PDE4DIP: variants seen among roughly 807,000 people sequenced by gnomAD.
PDE4DIP encodes the protein myomegalin.
Under a neutral mutation model 221.4 loss-of-function variants are expected in PDE4DIP, and 59 were observed. That is an observed-to-expected ratio of 0.27 (90% CI 0.22 to 0.33). The LOEUF (loss-of-function observed/expected upper bound fraction) is 0.33, where lower values mean the gene tolerates loss of function less well. Among genes scored for constraint, PDE4DIP ranks in the 10% least tolerant of loss-of-function variants. The pLI is 1.00. For synonymous variants in PDE4DIP, 404 were observed against 815.9 expected, an observed-to-expected ratio of 0.50 and a Z score of 8.60; for missense variants, 1,036 against 2,154.2, an observed-to-expected ratio of 0.48 and a Z score of 10.28.
exon 44 of PDE4DIP, chr1:149,032,297 C>T (rs1358765647): frequency 5.1e-6 from 3 of 592,750 alleles, no homozygotes; most frequent in Non-Finnish European, 9.0e-6. Context: ...ACAGCCCCAG[C>T]AGCTTGGGAA....
chr1:148,912,231 T>C (rs1456929412), intron 1 of PDE4DIP, among the ~76,000 whole-genome samples: 2 of 145,968 alleles, frequency 1.4e-5, no homozygotes, highest in South Asian at 2.2e-4. Context: ...AATAAAAGCA[T>C]CCTAGACTGG....
intron 31 of PDE4DIP, among the ~76,000 whole-genome samples, chr1:149,011,411 G>A (rs1553605300): frequency 5.9e-5 from 1 of 16,994 alleles, no homozygotes. Flanking sequence ...TGCTTCCTGA[G>A]CCTGGTTTCA....
intron 21 of PDE4DIP, among the ~76,000 whole-genome samples, chr1:148,987,427 A>G (rs1192404770): frequency 2.0e-5 from 3 of 152,130 alleles, no homozygotes; most frequent in Admixed American, 1.3e-4. Context: ...AAAGTCAGCA[A>G]TAGTTGGTTC....
exon 27 of PDE4DIP, chr1:149,005,079 G>T (rs781943795): frequency 1.9e-6 from 3 of 1,613,576 alleles, no homozygotes; most frequent in Non-Finnish European, 2.5e-6. Context: ...AAACATCTTG[G>T]TCCTACGAAA....
chr1:148,927,489 C>T (rs1276728830), intron 1 of PDE4DIP, among the ~76,000 whole-genome samples: 2 of 151,924 alleles, frequency 1.3e-5, no homozygotes, highest in South Asian at 4.1e-4. Flanking sequence ...GACCACCCTG[C>T]ATGGAAACAT....
intron 5 of PDE4DIP, among the ~76,000 whole-genome samples, chr1:148,951,646 G>A (rs1385803886): frequency 4.0e-5 from 6 of 151,746 alleles, no homozygotes; most frequent in Admixed American, 6.6e-5. Context: ...ATCTACTCGC[G>A]GCTGGCTGCA....
At chr1:148,981,746 C>T in intron 21 of PDE4DIP, 1 of 246,202 alleles carries the variant, frequency 4.1e-6, no homozygotes, top group Non-Finnish European at 8.3e-6. Flanking sequence ...CTCATCCCTT[C>T]TGTGGGCCAA....
chr1:148,985,367 C>CA (rs1285727875), intron 21 of PDE4DIP: 1 of 151,882 alleles, frequency 6.6e-6, no homozygotes, highest in Admixed American at 6.6e-5. Context: ...GTGTATATTT[C>CA]AGTTATTTCA....
intron 22 of PDE4DIP, among the ~76,000 whole-genome samples, chr1:148,996,674 C>T (rs1307393775): frequency 6.6e-6 from 1 of 152,172 alleles, no homozygotes; most frequent in East Asian, 1.9e-4. Flanking sequence ...AAACCTGTGA[C>T]CTACATTTGA....
chr1:148,912,287 C>T (rs1274614889), intron 1 of PDE4DIP, among the ~76,000 whole-genome samples: 1 of 146,830 alleles, frequency 6.8e-6, no homozygotes, highest in African/African-American at 2.6e-5. Context: ...TTGCACTTGG[C>T]AGTTTGCATT....
chr1:148,902,639 G>A (rs1437499179), intron 1 of PDE4DIP, among the ~76,000 whole-genome samples: 1 of 77,772 alleles, frequency 1.3e-5, no homozygotes, highest in East Asian at 5.7e-4. Context: ...ACTTCACTTA[G>A]AATGATAGTC....
chr1:149,032,073 A>T (rs1553638951), exon 44 of PDE4DIP: 1 of 1,608,690 alleles, frequency 6.2e-7, no homozygotes, highest in Non-Finnish European at 8.5e-7. Context: ...CCTTTTGTGC[A>T]GCTACCTATC....
chr1:149,030,262 C>T lies in PDE4DIP; in HGVS notation c.6983C>T (p.Ala2328Val), dbSNP rs782772577. 1 of 1,517,552 alleles carries T rather than the reference C, an allele frequency of 6.6e-7. No individual in the cohort carries two copies. The highest frequency in any genetic ancestry group is 1.4e-5 in the African/African-American group (1 of 72,342). The allele number at this position is 1,517,552 out of a possible 1,614,324, so 94.0% of individuals were successfully genotyped here. The stretch of plus-strand genomic sequence containing the variant: ...AGAACACATGATGTTTTAAAGAAGG[C>T]AAGGACTAACTTAGAGGTAAGGAAA... Residue 2328 changes from alanine (A) to valine (V), a missense_variant, in exon 43 of 44, where the codon GCA becomes GTA. Transcript: ENST00000369354.
chr1:148,976,277 A>T (rs1261361526), intron 17 of PDE4DIP, among the ~76,000 whole-genome samples: 1 of 152,212 alleles, frequency 6.6e-6, no homozygotes, highest in Non-Finnish European at 1.5e-5. Context: ...TTGTCTTACC[A>T]TAAAGATTGT....
intron 1 of PDE4DIP, among the ~76,000 whole-genome samples, chr1:148,830,379 C>T (rs1199707441): frequency 3.4e-5 from 2 of 59,210 alleles, no homozygotes; most frequent in African/African-American, 6.2e-5. Flanking sequence ...CCTCCAAACC[C>T]TCCTGCCCCA....
At chr1:148,956,337 G>C (rs1189593230) in intron 5 of PDE4DIP, among the ~76,000 whole-genome samples, 1 of 151,984 alleles carries the variant, frequency 6.6e-6, no homozygotes, top group East Asian at 1.9e-4. Context: ...ATTAAATATT[G>C]ACATCAGGAT....
intron 4 of PDE4DIP, among the ~76,000 whole-genome samples, chr1:148,934,748 C>T (rs768391841): frequency 3.3e-5 from 5 of 151,714 alleles, no homozygotes; most frequent in Admixed American, 6.6e-5. Flanking sequence ...GGATTACAGG[C>T]GTGCACCACC....
intron 1 of PDE4DIP, among the ~76,000 whole-genome samples, chr1:148,922,631 G>A (rs1451962319): frequency 6.7e-6 from 1 of 148,154 alleles, no homozygotes; most frequent in Admixed American, 6.7e-5. Context: ...TCTGTCACCC[G>A]GGCTGGAGTG....
intron 4 of PDE4DIP, among the ~76,000 whole-genome samples, chr1:148,934,154 G>T (rs2048663698): frequency 6.6e-6 from 1 of 150,646 alleles, no homozygotes; most frequent in Non-Finnish European, 1.5e-5. Flanking sequence ...CCTCACTAAG[G>T]CATCAATCGT....
Sources: gnomAD v4.1 joint callset for allele counts (sites outside exome capture counted in the v4.1 genomes callset) on GRCh38, gnomAD v4.1.1 for gene constraint, MANE v1.5 for transcripts, NCBI Gene and HGNC (gene_info 2026-07-23, HGNC 2026-07-21) for gene names.